The following TENM3 variants were observed in gnomAD, a reference collection of about 807,000 sequenced individuals.
TENM3 encodes teneurin transmembrane protein 3, also known as teneurin-3.
TENM3 carries 63 observed loss-of-function variants against 255.1 expected under a neutral mutation model. The ratio of observed to expected loss-of-function variants is 0.25; its 90% CI spans 0.20 to 0.30. The LOEUF is 0.30. TENM3 is among the 10% of genes least tolerant of loss of function. TENM3 has a pLI of 1.00. For missense variants in TENM3, 2,929 were observed against 3,461.1 expected (o/e 0.85, Z 3.86); for synonymous variants, 1,306 against 1,322.3 (o/e 0.99, Z 0.27).
Position 182,774,817 on chromosome 4 carries a change from C to A in TENM3, c.5069-101C>A, listed in dbSNP as rs1764544275. ...AGGACATCATCAGGTACTCCTTATT[C>A]CTAGTCAACTTTTAGAAATTTAGAA... is the stretch of plus-strand genomic sequence containing the variant. On this transcript the variant is annotated intron_variant, in intron 23 of 27. Coordinates refer to ENST00000511685, the MANE Select transcript of TENM3 (RefSeq NM_001080477.4). 7.9e-6 allele frequency: 6 copies of A among 764,146 alleles called. No homozygotes were observed. In the South Asian group the frequency reaches 8.9e-5, roughly 11 times the overall value. 47.3% of individuals were successfully genotyped at this position (764,146 alleles called of 1,614,324 possible). A position where few individuals can be genotyped will look rare whatever the true frequency, so the allele number is the denominator to read the frequency against.
rs1238620938 is a variant in TENM3, at chr4:182,793,710, C to T, written c.7038C>T (p.Leu2346=). 1.2e-6 allele frequency: 2 copies of T among 1,613,998 alleles called. No homozygotes were observed. Among genetic ancestry groups the T allele is most frequent in the East Asian group, 2.2e-5 (1 of 44,892 alleles). ...IGFHGGLYDP[L]TKLIHFGERD... ...TTCATGGTGGCCTGTATGACCCACT[C>T]ACCAAATTAATCCACTTTGGAGAAA... The change falls in exon 26 of 28, where the codon CTC becomes CTT. Residue 2346 remains leucine, a synonymous_variant. Transcript: ENST00000511685. The surrounding 1 kb of genome is among the most constrained non-coding windows in gnomAD (Gnocchi z 5.7).
Position 182,217,335 on chromosome 4 carries a change from G to A in TENM3, c.-76+72581G>A, listed in dbSNP as rs1171663254. Among the ~76,000 whole-genome samples the A allele has an allele frequency of 3.3e-5, 5 of 151,706 alleles. No homozygotes were observed. The South Asian group carries it at 6.3e-4, about 19-fold the overall frequency. ...CGCACCTGGCCTAAATTTCACCATC[G>A]TTTCTATTCATAACTTACCTGCAAA... On this transcript the variant is annotated intron_variant, in intron 1 of 2. Coordinates refer to the TENM3 transcript ENST00000512480.
intron 22 of TENM3, among the ~76,000 whole-genome samples, chr4:182,769,548 C>A (rs1764003543): frequency 6.6e-6 from 1 of 151,984 alleles, no homozygotes; most frequent in East Asian, 1.9e-4. Flanking sequence ...CTTTGGGAGG[C>A]CGAGGCGGGA....
chr4:182,187,463 A>G (rs1349655835), intron 1 of TENM3, among the ~76,000 whole-genome samples: 2 of 152,156 alleles, frequency 1.3e-5, no homozygotes, highest in Non-Finnish European at 2.9e-5. Context: ...TGAAGGGGAT[A>G]GTAAATTCGC....
the TENM3 span, among the ~76,000 whole-genome samples, chr4:181,778,583 G>A: frequency 6.6e-6 from 1 of 152,088 alleles, no homozygotes; most frequent in Non-Finnish European, 1.5e-5. Context: ...TTCTCCTAAT[G>A]TTTCATTGCT....
At chr4:182,158,203 G>A (rs1203006490) in intron 1 of TENM3, among the ~76,000 whole-genome samples, 4 of 152,222 alleles carry the variant, frequency 2.6e-5, no homozygotes, top group Non-Finnish European at 5.9e-5. Flanking sequence ...AGTGTTGCCA[G>A]ATTGTGAGAT....
chr4:182,013,029 C>T, the TENM3 span, among the ~76,000 whole-genome samples: 1 of 151,966 alleles, frequency 6.6e-6, no homozygotes, highest in Non-Finnish European at 1.5e-5. Context: ...AAAACAAAAA[C>T]GAAAAACCCC....
intron 6 of TENM3, among the ~76,000 whole-genome samples, chr4:182,654,797 T>C (rs563912377): frequency 6.6e-6 from 1 of 152,320 alleles, no homozygotes; most frequent in Non-Finnish European, 1.5e-5. Flanking sequence ...ATGAACTTAT[T>C]ATATGTTGCT....
At chr4:182,452,423 C>G (rs979500120) in intron 3 of TENM3, among the ~76,000 whole-genome samples, 4 of 152,030 alleles carry the variant, frequency 2.6e-5, no homozygotes, top group Non-Finnish European at 5.9e-5. Flanking sequence ...TTAGATCTTT[C>G]AGTGGCCTGG....
At chr4:182,550,411 G>A (rs60902042) in intron 3 of TENM3, among the ~76,000 whole-genome samples, 16,121 of 152,022 alleles carry the variant, frequency 0.11, 1,584 homozygotes, top group African/African-American at 0.25. Flanking sequence ...TAACACTAGG[G>A]TCACAGATCC....
intron 3 of TENM3, among the ~76,000 whole-genome samples, chr4:182,574,095 G>A (rs961979546): frequency 2.0e-5 from 3 of 152,054 alleles, no homozygotes; most frequent in Non-Finnish European, 4.4e-5. Context: ...CTCCATTCAT[G>A]ACTCAAAATG....
At chr4:181,876,857 G>A in the TENM3 span, among the ~76,000 whole-genome samples, 1 of 152,052 alleles carries the variant, frequency 6.6e-6, no homozygotes, top group South Asian at 2.1e-4. Flanking sequence ...TGATTTGCAA[G>A]GTCATATATT....
At chr4:181,463,345 C>T in the TENM3 span, among the ~76,000 whole-genome samples, 3 of 152,108 alleles carry the variant, frequency 2.0e-5, no homozygotes, top group Non-Finnish European at 4.4e-5. Flanking sequence ...TTTATCTTGC[C>T]TGTTGTATAC....
At chr4:181,846,231 T>A in the TENM3 span, among the ~76,000 whole-genome samples, 1 of 152,174 alleles carries the variant, frequency 6.6e-6, no homozygotes, top group South Asian at 2.1e-4. Flanking sequence ...ATAATAAAAA[T>A]AAACATGTGA....
At chr4:182,725,705 G>A (rs1310544671) in intron 13 of TENM3, among the ~76,000 whole-genome samples, 1 of 141,558 alleles carries the variant, frequency 7.1e-6, no homozygotes, top group Non-Finnish European at 1.5e-5. Context: ...GCGCGATCTC[G>A]GCTCACTGCG....
chr4:181,876,638 G>C, the TENM3 span, among the ~76,000 whole-genome samples: 2 of 152,110 alleles, frequency 1.3e-5, no homozygotes, highest in Admixed American at 6.5e-5. Flanking sequence ...TAGAAAAAGT[G>C]TTCTGATTGT....
the TENM3 span, among the ~76,000 whole-genome samples, chr4:181,753,606 C>G: frequency 1.3e-5 from 2 of 152,076 alleles, no homozygotes; most frequent in Non-Finnish European, 2.9e-5. Context: ...TGGCATGAGC[C>G]ATTTTTCTCA....
chr4:181,570,995 G>A, the TENM3 span, among the ~76,000 whole-genome samples: 2 of 152,218 alleles, frequency 1.3e-5, no homozygotes, highest in African/African-American at 2.4e-5. Context: ...CTGAGCCAAC[G>A]TGGCCAGCTG....
intron 3 of TENM3, among the ~76,000 whole-genome samples, chr4:182,433,790 G>C (rs776594888): frequency 8.5e-5 from 13 of 152,148 alleles, no homozygotes; most frequent in Non-Finnish European, 1.6e-4. Flanking sequence ...GAGATATCTA[G>C]GATAGTTATA....
Sources: allele counts gnomAD v4.1 joint callset (sites outside exome capture counted in the v4.1 genomes callset), GRCh38; gene constraint gnomAD v4.1.1; non-coding constraint Gnocchi (gnomAD v3.1); transcripts MANE v1.5; gene names NCBI Gene and HGNC (gene_info 2026-07-23, HGNC 2026-07-21).